Variants in SYNE2 observed in about 807,000 individuals in gnomAD.
The protein encoded by SYNE2 is spectrin repeat containing nuclear envelope protein 2.
In SYNE2, 431 loss-of-function variants were observed where a neutral mutation model predicts 856.3. The ratio of observed to expected loss-of-function variants is 0.50; its 90% confidence interval spans 0.47 to 0.55. SYNE2 has a LOEUF of 0.55. Ranked by LOEUF, SYNE2 falls within the 20% of genes least tolerant of loss-of-function variation. The pLI is 0.00. For synonymous variants in SYNE2, 2,923 were observed against 2,872.3 expected (o/e 1.02, Z -0.56); for missense variants, 8,129 against 8,023.2 (o/e 1.01, Z -0.50).
chr14:63,885,812 G>A (rs1020269526), intron 1 of SYNE2, among the ~76,000 whole-genome samples: 3 of 152,186 alleles, frequency 2.0e-5, no homozygotes. Context: ...ACAATATTCA[G>A]CTTGCATTTA....
chr14:64,164,759 G>C (rs1250970260), intron 89 of SYNE2, among the ~76,000 whole-genome samples: 1 of 152,154 alleles, frequency 6.6e-6, no homozygotes, highest in Non-Finnish European at 1.5e-5. Context: ...AAGGCTCAAA[G>C]GCACGAGTGA....
At chr14:63,928,569 T>G (rs1273759409) in intron 2 of SYNE2, among the ~76,000 whole-genome samples, 2 of 152,250 alleles carry the variant, frequency 1.3e-5, no homozygotes, top group African/African-American at 4.8e-5. Flanking sequence ...AGCCTTCCCC[T>G]TCTGTAGTAA....
At chr14:64,157,896 C>G (rs1412355863) in intron 85 of SYNE2, among the ~76,000 whole-genome samples, 1 of 152,192 alleles carries the variant, frequency 6.6e-6, no homozygotes, top group Non-Finnish European at 1.5e-5. Flanking sequence ...AATGTTTAGT[C>G]ACTTCCTTTG....
intron 85 of SYNE2, among the ~76,000 whole-genome samples, chr14:64,155,202 G>A (rs1218016267): frequency 2.0e-5 from 3 of 152,194 alleles, no homozygotes; most frequent in Non-Finnish European, 4.4e-5. Flanking sequence ...TAGCCAGAAA[G>A]TGTAAACAAC....
At chr14:63,901,245 T>C (rs941036907) in intron 1 of SYNE2, among the ~76,000 whole-genome samples, 2 of 152,220 alleles carry the variant, frequency 1.3e-5, no homozygotes, top group Non-Finnish European at 2.9e-5. Flanking sequence ...ATTTAAAAAA[T>C]ATTTCATTTT....
intron 71 of SYNE2, 95 bp from the exon 72 acceptor site, chr14:64,126,232 C>A: frequency 1.8e-6 from 2 of 1,102,164 alleles, no homozygotes; most frequent in Non-Finnish European, 2.7e-6. Flanking sequence ...AGAAGCATAA[C>A]ATAAATCATA....
intron 2 of SYNE2, among the ~76,000 whole-genome samples, chr14:63,931,156 A>C (rs1328596442): frequency 6.6e-6 from 1 of 152,220 alleles, no homozygotes; most frequent in Non-Finnish European, 1.5e-5. Context: ...TCATAAGTGA[A>C]GTATTAAGAG....
At chr14:63,983,157 C>G (rs1051257554) in intron 17 of SYNE2, among the ~76,000 whole-genome samples, 1 of 152,206 alleles carries the variant, frequency 6.6e-6, no homozygotes, top group Non-Finnish European at 1.5e-5. Context: ...AATCGTACTT[C>G]ATTCCTTTTT....
chr14:63,982,613 G>C lies in SYNE2; in HGVS notation c.1837-17G>C, dbSNP rs1382034260. 3 of 1,611,826 alleles carry C rather than the reference G, an allele frequency of 1.9e-6. No individual in the cohort carries two copies. Among genetic ancestry groups the C allele is most frequent in the East Asian group, 4.5e-5 (2 of 44,776 alleles). On this transcript the variant is annotated splice_polypyrimidine_tract_variant and intron_variant, in intron 16 of 115. Transcript: ENST00000555002. Reference sequence around the variant, plus strand: ...TATCGTGTCATTAAGATAGTGTGTTGCTTGTGTATCATGTAGGTACCCTTT... The same window carrying C: ...TATCGTGTCATTAAGATAGTGTGTTCCTTGTGTATCATGTAGGTACCCTTT...
chr14:63,893,595 C>T (rs1411330390), intron 1 of SYNE2, among the ~76,000 whole-genome samples: 6 of 152,142 alleles, frequency 3.9e-5, no homozygotes, highest in African/African-American at 1.4e-4. Flanking sequence ...AACAACATTG[C>T]TCAAGTTATT....
At chr14:63,815,175 T>C (rs1595138411) in intron 1 of SYNE2, among the ~76,000 whole-genome samples, 1 of 63,716 alleles carries the variant, frequency 1.6e-5, no homozygotes, top group African/African-American at 8.4e-5. Context: ...TATCCACATA[T>C]ATATCCATAT....
intron 9 of SYNE2, among the ~76,000 whole-genome samples, chr14:63,962,237 G>A (rs571169539): frequency 6.6e-6 from 1 of 151,950 alleles, no homozygotes; most frequent in Admixed American, 6.6e-5. Context: ...TGTATATTTG[G>A]TAGAGACTGG....
Position 63,928,085 on chromosome 14 carries a change from G to T in SYNE2, c.80-12529G>T, listed in dbSNP as rs537468119. Among the ~76,000 whole-genome samples, 8 of 152,114 alleles carry T rather than the reference G, an allele frequency of 5.3e-5. No homozygotes were observed. In the South Asian group the frequency reaches 1.7e-3, roughly 32 times the overall value. ...AAAAAAAAAAAGACTCAGCAGTAGG[G>T]CTGGGGGGCCAAGATGTATAGAGAA... On this transcript the variant is annotated intron_variant, in intron 2 of 115. Coordinates refer to ENST00000555002, the MANE Select transcript of SYNE2 (RefSeq NM_182914.3).
chr14:63,806,615 A>C (rs767677122), intron 1 of SYNE2, among the ~76,000 whole-genome samples: 72 of 152,174 alleles, frequency 4.7e-4, no homozygotes, highest in Admixed American at 2.2e-3. Flanking sequence ...GGGAAATTGT[A>C]TGTTTCAAGG....
intron 65 of SYNE2, among the ~76,000 whole-genome samples, chr14:64,110,605 A>G (rs1206361880): frequency 1.2e-5 from 1 of 83,664 alleles, no homozygotes; most frequent in African/African-American, 5.6e-5. Context: ...CCCCCCCGCC[A>G]AAGTGTACAA....
At chr14:64,098,848 G>A (rs773600128) in intron 63 of SYNE2, 27 bp downstream of exon 63, 1 of 1,610,486 alleles carries the variant, frequency 6.2e-7, no homozygotes. Context: ...TCTTGTTAAA[G>A]TTTGTTAGAA....
chr14:63,809,116 T>G (rs1267107128), intron 1 of SYNE2, among the ~76,000 whole-genome samples: 1 of 152,144 alleles, frequency 6.6e-6, no homozygotes, highest in Non-Finnish European at 1.5e-5. Flanking sequence ...GGTGGACCAC[T>G]TGGCTCACAG....
At chr14:63,844,943 C>T (rs1323371183) in intron 1 of SYNE2, among the ~76,000 whole-genome samples, 1 of 152,180 alleles carries the variant, frequency 6.6e-6, no homozygotes, top group Non-Finnish European at 1.5e-5. Context: ...GTAGCAGCAT[C>T]TAAGTATCAG....
intron 100 of SYNE2, among the ~76,000 whole-genome samples, chr14:64,206,557 T>C (rs1409253842): frequency 1.3e-5 from 2 of 151,730 alleles, no homozygotes; most frequent in Non-Finnish European, 2.9e-5. Flanking sequence ...TTTGAAAATG[T>C]TTGGGCTTTT....
Sources: allele counts gnomAD v4.1 joint callset (sites outside exome capture counted in the v4.1 genomes callset), GRCh38; gene constraint gnomAD v4.1.1; transcripts MANE v1.5; gene names NCBI Gene and HGNC (gene_info 2026-07-23, HGNC 2026-07-21).